KDM4B: variants seen among roughly 807,000 people sequenced by gnomAD.
KDM4B encodes lysine demethylase 4B, also known as lysine-specific demethylase 4B.
In KDM4B, 32 loss-of-function variants were observed where a neutral mutation model predicts 125.2. The observed-to-expected ratio is 0.26, with a 90% CI of 0.19 to 0.34. The LOEUF is 0.34. Among genes scored for constraint, KDM4B ranks in the 10% least tolerant of loss-of-function variants. KDM4B has a pLI of 1.00. For missense variants in KDM4B, 1,190 were observed against 1,577.7 expected, an observed-to-expected ratio of 0.75 and a Z score of 4.16; for synonymous variants, 721 against 677.9, an observed-to-expected ratio of 1.06 and a Z score of -0.99.
chr19:5,151,323 G>A lies in KDM4B; in HGVS notation c.3115-12G>A, dbSNP rs780267118. The A allele has an allele frequency of 1.7e-5, 26 of 1,516,586 alleles. No homozygotes were observed. Among genetic ancestry groups the A allele is most frequent in the South Asian group, 7.4e-5 (6 of 80,834 alleles). 93.9% of individuals were successfully genotyped at this position (1,516,586 alleles called of 1,614,324 possible). ...CCACCGTGCTAACCACTGTGCTTCCGCTCTCCCGCAGTCACTGAGCACGGG... is the reference window on the plus strand; with the variant it reads ...CCACCGTGCTAACCACTGTGCTTCCACTCTCCCGCAGTCACTGAGCACGGG... On this transcript the variant is annotated splice_polypyrimidine_tract_variant and intron_variant, in intron 22 of 22. Coordinates refer to ENST00000159111, the MANE Select transcript of KDM4B (RefSeq NM_015015.3).
intron 2 of KDM4B, among the ~76,000 whole-genome samples, chr19:5,018,253 C>T (rs2035955269): frequency 6.6e-6 from 1 of 152,050 alleles, no homozygotes; most frequent in African/African-American, 2.4e-5. Context: ...GTCTCAAATT[C>T]CTGGCCTCAA....
chr19:5,052,342 C>G (rs2037254530), intron 6 of KDM4B, among the ~76,000 whole-genome samples: 1 of 138,140 alleles, frequency 7.2e-6, no homozygotes, highest in Non-Finnish European at 1.5e-5. Context: ...AGGAACCGTG[C>G]TCCAGACACT....
rs1472342101 is a variant in KDM4B, at chr19:4,990,534, G to A, written c.-109+21304G>A. Among the ~76,000 whole-genome samples, 8 of 152,326 alleles carry A rather than the reference G, an allele frequency of 5.3e-5. No individual in the cohort carries two copies. In the South Asian group the frequency reaches 1.2e-3, roughly 24 times the overall value. On this transcript the variant is annotated intron_variant, in intron 1 of 22. Transcript: ENST00000159111. ...GGGCTGTGCCTGGGATCCTGGGGCCGTGGAGAGCTCATCTAGAGGTCATGA... is the reference window on the plus strand; with the variant it reads ...GGGCTGTGCCTGGGATCCTGGGGCCATGGAGAGCTCATCTAGAGGTCATGA...
chr19:4,979,600 C>T (rs889239140), intron 1 of KDM4B, among the ~76,000 whole-genome samples: 6 of 152,152 alleles, frequency 3.9e-5, no homozygotes, highest in Admixed American at 1.3e-4. Context: ...GCCCCGTCCT[C>T]GAGGAGCTCA....
rs573600360 is a variant in KDM4B, at chr19:5,119,564, G to A, written c.1116-89G>A. The A allele has an allele frequency of 3.0e-5, 39 of 1,281,160 alleles. No individual in the cohort carries two copies. The East Asian group carries it at 4.8e-4, about 16-fold the overall frequency. 79.4% of individuals were successfully genotyped at this position (1,281,160 alleles called of 1,614,324 possible). A position where few individuals can be genotyped will look rare whatever the true frequency, so the allele number is the denominator to read the frequency against. On this transcript the variant is annotated intron_variant, in intron 10 of 22. Coordinates refer to ENST00000159111, the MANE Select transcript of KDM4B (RefSeq NM_015015.3). ...ATGGAGCGCTCTTCTGGGGGTGGGC[G>A]GGGGCTGCGTGCTGCCGGACAGAGT...
At chr19:4,992,927 AACTT>A (rs2035073973) in intron 1 of KDM4B, among the ~76,000 whole-genome samples, 1 of 152,026 alleles carries the variant, frequency 6.6e-6, no homozygotes, top group Non-Finnish European at 1.5e-5. Flanking sequence ...GTGGTTGGAG[AACTT>A]ACTTTGGATG....
chr19:5,082,293 G>A lies in KDM4B; in HGVS notation c.781-74G>A, dbSNP rs2038323561. The A allele has an allele frequency of 6.3e-7, 1 of 1,577,206 alleles. No individual in the cohort carries two copies. Among genetic ancestry groups the A allele is most frequent in the Non-Finnish European group, 8.7e-7 (1 of 1,155,818 alleles). ...TAAGCCAGGCTCCCTGGCACTTGCT[G>A]GGAAGTGCCCACGTCCCATCCCCTG... is the stretch of plus-strand genomic sequence containing the variant. On this transcript the variant is annotated intron_variant, in intron 8 of 22. Transcript: ENST00000159111. This position sits in a 1 kb window ranked among gnomAD's most constrained non-coding sequence, Gnocchi z 5.4.
intron 9 of KDM4B, among the ~76,000 whole-genome samples, chr19:5,096,939 C>A (rs2613752): frequency 0.02 from 3,089 of 152,292 alleles, 95 homozygotes; most frequent in African/African-American, 0.066. Flanking sequence ...TGTAAACATC[C>A]CATGCTAGGG....
chr19:4,969,551 C>G (rs1254105592), intron 1 of KDM4B, among the ~76,000 whole-genome samples: 1 of 151,202 alleles, frequency 6.6e-6, no homozygotes, highest in Non-Finnish European at 1.5e-5. Context: ...GCCCCGGCGC[C>G]CCGCACAAAA....
intron 1 of KDM4B, among the ~76,000 whole-genome samples, chr19:4,991,312 A>G (rs936258772): frequency 4.0e-5 from 6 of 150,058 alleles, no homozygotes; most frequent in African/African-American, 9.9e-5. Context: ...GTTAACTTTT[A>G]ATTTTTAAAG....
intron 2 of KDM4B, among the ~76,000 whole-genome samples, 171 bp from the exon 3 acceptor site, chr19:5,032,695 G>A (rs936270623): frequency 7.9e-5 from 12 of 152,174 alleles, no homozygotes; most frequent in Admixed American, 3.9e-4. Flanking sequence ...GCAGAGTGAC[G>A]AGGCCGCTCG....
intron 9 of KDM4B, among the ~76,000 whole-genome samples, chr19:5,087,019 C>T (rs1169790253): frequency 1.1e-4 from 16 of 152,264 alleles, no homozygotes; most frequent in Middle Eastern, 3.2e-3. Context: ...GGGCCCTGCG[C>T]GCACACACAG....
chr19:5,066,768 G>A (rs1047446636), intron 6 of KDM4B, among the ~76,000 whole-genome samples: 5 of 152,168 alleles, frequency 3.3e-5, no homozygotes, highest in African/African-American at 7.2e-5. Context: ...CTGGAGATGC[G>A]GAGCCGAGTT....
intron 6 of KDM4B, among the ~76,000 whole-genome samples, chr19:5,047,933 C>T (rs369585594): frequency 4.6e-5 from 7 of 152,182 alleles, no homozygotes; most frequent in African/African-American, 1.7e-4. Flanking sequence ...GAGCTGTGAG[C>T]GGCCCCAGGT....
rs942006096 is a variant in KDM4B at position 5,105,830 on chromosome 19, C to T, written c.919-4792C>T. On this transcript the variant is annotated intron_variant, in intron 9 of 22. Coordinates refer to ENST00000159111, the MANE Select transcript of KDM4B (RefSeq NM_015015.3). Reference sequence around the variant, plus strand: ...TGAATGTTCAGCCCTGCCCTTGTAGCGTGAACACAGCTGTGGATGATACAT... The same window carrying T: ...TGAATGTTCAGCCCTGCCCTTGTAGTGTGAACACAGCTGTGGATGATACAT... Among the ~76,000 whole-genome samples the T allele has an allele frequency of 3.9e-5, 6 of 152,162 alleles. No homozygotes were observed. The South Asian group carries it at 6.2e-4, about 16-fold the overall frequency.
chr19:4,971,953 G>T lies in KDM4B; in HGVS notation c.-109+2723G>T, dbSNP rs978395970. Among the ~76,000 whole-genome samples, 13 of 151,970 alleles carry T rather than the reference G, an allele frequency of 8.6e-5. No homozygotes were observed. The highest frequency in any genetic ancestry group is 2.9e-4 in the African/African-American group (12 of 41,382). ...GATGAACAGGGTGGGGGCTCGGGGC[G>T]GGGGGAGCTCCGCAGGCCTGCACTG... On this transcript the variant is annotated intron_variant, in intron 1 of 22. Transcript: ENST00000159111. The surrounding 1 kb of genome is among the most constrained non-coding windows in gnomAD (Gnocchi z 4.1).
intron 3 of KDM4B, 134 bp downstream of exon 3, chr19:5,033,165 G>T (rs1010177836): frequency 1.2e-5 from 13 of 1,047,984 alleles, no homozygotes; most frequent in Non-Finnish European, 1.8e-5. Context: ...GCCACTCCCA[G>T]CTCGTTTACC....
At chr19:5,021,184 T>C (rs1438862958) in intron 2 of KDM4B, among the ~76,000 whole-genome samples, 1 of 151,374 alleles carries the variant, frequency 6.6e-6, no homozygotes, top group African/African-American at 2.4e-5. Flanking sequence ...GGCTGCAGGC[T>C]TCGGGCGGCC....
chr19:5,028,490 C>T (rs1388437020), intron 2 of KDM4B, among the ~76,000 whole-genome samples: 1 of 152,198 alleles, frequency 6.6e-6, no homozygotes, highest in Non-Finnish European at 1.5e-5. Flanking sequence ...TTGGTGGACA[C>T]CTGGGTCGTT....
Sources: gnomAD v4.1 joint callset for allele counts (sites outside exome capture counted in the v4.1 genomes callset) on GRCh38, gnomAD v4.1.1 for gene constraint, Gnocchi (gnomAD v3.1) non-coding constraint, MANE v1.5 for transcripts, NCBI Gene and HGNC (gene_info 2026-07-23, HGNC 2026-07-21) for gene names.